Variants in CARMIL3 observed in about 807,000 individuals in gnomAD.
CARMIL3 encodes the protein capping protein regulator and myosin 1 linker 3.
A neutral mutation model predicts 180.8 loss-of-function variants in CARMIL3; 88 were observed. The ratio of observed to expected loss-of-function variants is 0.49; its 90% CI spans 0.41 to 0.58. The LOEUF is 0.58. CARMIL3 is among the 20% of genes least tolerant of loss of function. The pLI is 0.00. For missense variants in CARMIL3, 1,548 were observed against 1,787.0 expected, an observed-to-expected ratio of 0.87 and a Z score of 2.41; for synonymous variants, 696 against 714.5, an observed-to-expected ratio of 0.97 and a Z score of 0.41.
intron 34 of CARMIL3, 151 bp from the exon 35 acceptor site, chr14:24,066,247 G>A: frequency 1.2e-6 from 1 of 836,414 alleles, no homozygotes; most frequent in Non-Finnish European, 1.9e-6. Flanking sequence ...CCCCTGGGGA[G>A]GTATGGGTGC....
In CARMIL3 at chr14:24,059,044, G is replaced by C; in HGVS notation, c.1571+58G>C. 1 of 1,602,720 alleles carries C rather than the reference G, an allele frequency of 6.2e-7. No individual in the cohort carries two copies. The highest frequency in any genetic ancestry group is 1.7e-5 in the Admixed American group (1 of 58,450). On this transcript the variant is annotated intron_variant, in intron 19 of 39. Transcript: ENST00000342740. This position sits in a 1 kb window ranked among gnomAD's most constrained non-coding sequence, Gnocchi z 6.3. ...ATCCCATCATTCACCCATCCTCTTG[G>C]CTCACCGTATTACCTCTGGCCACCT...
chr14:24,059,304 T>A lies in CARMIL3; in HGVS notation c.1661T>A (p.Leu554Gln), dbSNP rs1235570840. ...LQSLSVADSR[L>Q]KLRTSILINA... Reference sequence around the variant, plus strand: ...TCACTGTCGGTGGCAGACTCCCGGCTGAAGCTTCGCACCAGCATCCTCATC... The same window carrying A: ...TCACTGTCGGTGGCAGACTCCCGGCAGAAGCTTCGCACCAGCATCCTCATC... The change falls in exon 21 of 40, where the codon CTG (leucine) becomes CAG (glutamine). Residue 554 changes from leucine (L) to glutamine (Q), a missense_variant. Physicochemically the swap from Leu to Gln is moderately radical, Grantham distance 113. Around this residue, in one of 4 missense-constraint regions of CARMIL3, gnomAD observed 297 missense variants for 415.9 expected, o/e 0.71. Transcript: ENST00000342740. This position sits in a 1 kb window ranked among gnomAD's most constrained non-coding sequence, Gnocchi z 6.3. 6.2e-7 allele frequency: 1 copy of A among 1,613,784 alleles called. No individual in the cohort carries two copies. Among genetic ancestry groups the A allele is most frequent in the Non-Finnish European group, 8.5e-7 (1 of 1,180,020 alleles).
At position 24,061,833 on chromosome 14, in the gene CARMIL3, G is replaced by A. The variant is rs2035736472; in HGVS notation, c.2480+161G>A. On this transcript the variant is annotated intron_variant, in intron 27 of 39. Coordinates refer to ENST00000342740, the MANE Select transcript of CARMIL3 (RefSeq NM_138360.4). The surrounding 1 kb of genome is among the most constrained non-coding windows in gnomAD (Gnocchi z 4.1). ...CAACCTTGCTATTTAGGGTCTGGCT[G>A]GTCTTTGCCCTAGAAATCTAAGTGC... is the stretch of plus-strand genomic sequence containing the variant. 1.1e-6 allele frequency: 1 copy of A among 873,680 alleles called. No individual in the cohort carries two copies. The highest frequency in any genetic ancestry group is 1.8e-5 in the South Asian group (1 of 54,392). The allele number at this position is 873,680 out of a possible 1,614,324, so 54.1% of individuals were successfully genotyped here.
chr14:24,066,527 C>T (rs766588872), intron 35 of CARMIL3, 40 bp from the exon 36 acceptor site: 1 of 1,612,352 alleles, frequency 6.2e-7, no homozygotes, highest in Non-Finnish European at 8.5e-7. Flanking sequence ...TTTACCTTTT[C>T]CCTTTCTCCT....
At chr14:24,056,205 C>T in intron 10 of CARMIL3, 94 bp from the exon 11 acceptor site, 1 of 1,047,216 alleles carries the variant, frequency 9.5e-7, no homozygotes, top group Non-Finnish European at 1.4e-6. Context: ...ACCATGCAGC[C>T]CCAGCCAGGC....
At position 24,056,619 on chromosome 14, in the gene CARMIL3, C is replaced by G; in HGVS notation, c.866-3C>G. On this transcript the variant is annotated splice_polypyrimidine_tract_variant and splice_region_variant and intron_variant, in intron 11 of 39. Transcript: ENST00000342740. ...TGGGCCCGTTTCTCTCTCCACTCCC[C>G]AGGTTTTCTCAGTCTGAGCCAGCAG... 6.2e-7 allele frequency: 1 copy of G among 1,613,994 alleles called. No individual in the cohort carries two copies. Among genetic ancestry groups the G allele is most frequent in the Non-Finnish European group, 8.5e-7 (1 of 1,180,020 alleles).
chr14:24,055,105 A>T lies in CARMIL3; in HGVS notation c.500A>T (p.Asn167Ile). Residue 167 changes from asparagine to isoleucine, a missense_variant, in exon 7 of 40, where the codon AAT becomes ATT. Transcript: ENST00000342740. ...ACCTACGCTGCTCTGTGTGACTACAATGGGCTACACTGCCGTGAGGAGGTT... is the reference window on the plus strand; with the variant it reads ...ACCTACGCTGCTCTGTGTGACTACATTGGGCTACACTGCCGTGAGGAGGTT... Reference protein sequence around the residue: ...SETYAALCDYNGLHCREEVQW... With the variant: ...SETYAALCDYIGLHCREEVQW... 6.2e-7 allele frequency: 1 copy of T among 1,613,844 alleles called. No homozygotes were observed. The highest frequency in any genetic ancestry group is 8.5e-7 in the Non-Finnish European group (1 of 1,180,008).
rs1424773308 is a variant in CARMIL3 at position 24,069,167 on chromosome 14, C to T, written c.4013C>T (p.Pro1338Leu). 1 of 1,614,120 alleles carries T rather than the reference C, an allele frequency of 6.2e-7. No homozygotes were observed. The highest frequency in any genetic ancestry group is 8.5e-7 in the Non-Finnish European group (1 of 1,180,022). ...GPPDPGRRTA[P>L]LKPKRTRRAQ... The stretch of plus-strand genomic sequence containing the variant: ...CCTGATCCAGGCCGGCGGACTGCCC[C>T]CCTGAAGCCCAAGAGGACACGGCGG... The change falls in exon 39 of 40, where the codon CCC (proline) becomes CTC (leucine). Residue 1338 changes from proline (P) to leucine (L), a missense_variant. Physicochemically the swap from Pro to Leu is moderately conservative, Grantham distance 98. Coordinates refer to ENST00000342740, the MANE Select transcript of CARMIL3 (RefSeq NM_138360.4).
In CARMIL3 at chr14:24,062,709, GC is replaced by G. The variant is rs747930271; in HGVS notation, c.2572del (p.Arg858GlyfsTer3). 1 of 1,607,696 alleles carries G rather than the reference GC, an allele frequency of 6.2e-7. No homozygotes were observed. The highest frequency in any genetic ancestry group is 8.5e-7 in the Non-Finnish European group (1 of 1,176,142). ...QELYHSHKSL[A>X]RHLTQLRTLS... is the part of the protein sequence containing the mutation. ...TCTGTTCACACCTGCCCTTCCCCAG[GC>G]CCGGCACCTGACCCAGCTAAGGACG... On this transcript the variant is annotated frameshift_variant and splice_region_variant, in exon 29 of 40. Transcript: ENST00000342740. LOFTEE classifies it high-confidence loss of function.
rs377006038 is a variant in CARMIL3, at chr14:24,057,782, C to T, written c.1141-21C>T. 136 of 1,603,866 alleles carry T rather than the reference C, an allele frequency of 8.5e-5. No individual in the cohort carries two copies. In the African/African-American group the frequency reaches 1.7e-3, roughly 20 times the overall value. On this transcript the variant is annotated intron_variant, in intron 14 of 39. Transcript: ENST00000342740. ...TACCCCCTTCCAGCTCCCCTGAGAC[C>T]CACCATATCTCCCCCCACAGCTTCT...
rs958789332 is a variant in CARMIL3, at chr14:24,064,258, G to A, written c.2992G>A (p.Gly998Arg). The change falls in exon 32 of 40, where the codon GGG becomes AGG. Residue 998 changes from glycine to arginine, a missense_variant. Physicochemically the swap from Gly to Arg is moderately radical, Grantham distance 125. Around this residue, in one of 4 missense-constraint regions of CARMIL3, gnomAD observed 668 missense variants for 687.8 expected, o/e 0.97. Transcript: ENST00000342740. ...GPGRPSMPAP[G>R]TRQENGMATR... ...TTCCTCCCAGCAGATGCCAGCACCT[G>A]GGACTCGTCAGGAGAATGGGATGGC... 1.9e-6 allele frequency: 3 copies of A among 1,612,048 alleles called. No homozygotes were observed. Among genetic ancestry groups the A allele is most frequent in the Non-Finnish European group, 2.5e-6 (3 of 1,179,100 alleles).
Position 24,059,135 on chromosome 14 carries a change from G to C in CARMIL3, c.1572G>C (p.Lys524Asn), listed in dbSNP as rs758776255. ...TACTCTGAGCCCCGCCTCCCTGCAG[G>C]ACCCTGGAGGAGATCCTCCACAAGC... ...FLGKNFNVKA[K>N]TLEEILHKLV... The change falls in exon 20 of 40, where the codon AAG becomes AAC. Residue 524 changes from lysine to asparagine, a missense_variant and splice_region_variant. By Grantham distance (94) the Lys-to-Asn change is moderately conservative (BLOSUM62 0). Around this residue, in one of 4 missense-constraint regions of CARMIL3, gnomAD observed 578 missense variants for 666.5 expected, o/e 0.87. Coordinates refer to ENST00000342740, the MANE Select transcript of CARMIL3 (RefSeq NM_138360.4). This position sits in a 1 kb window ranked among gnomAD's most constrained non-coding sequence, Gnocchi z 6.3. 1 of 1,602,066 alleles carries C rather than the reference G, an allele frequency of 6.2e-7. No individual in the cohort carries two copies. The highest frequency in any genetic ancestry group is 8.5e-7 in the Non-Finnish European group (1 of 1,174,678).
At chr14:24,068,508 A>C (rs999824507) in intron 36 of CARMIL3, 76 bp from the exon 37 acceptor site, 1 of 1,329,834 alleles carries the variant, frequency 7.5e-7, no homozygotes, top group Admixed American at 2.1e-5. Flanking sequence ...CCAGGGCTTC[A>C]GTGGAGAGAG....
At chr14:24,062,301 T>C in intron 27 of CARMIL3, 179 bp from the exon 28 acceptor site, 1 of 657,384 alleles carries the variant, frequency 1.5e-6, no homozygotes, top group Non-Finnish European at 2.7e-6. Context: ...TAGACGTGTA[T>C]TTGTGGAGAA....
chr14:24,057,702 T>A, intron 14 of CARMIL3, 101 bp from the exon 15 acceptor site: 1 of 991,310 alleles, frequency 1.0e-6, no homozygotes, highest in Non-Finnish European at 1.5e-6. Context: ...CCACAGAGAA[T>A]GAAGAGCCAG....
chr14:24,064,140 C>A, intron 31 of CARMIL3, 106 bp from the exon 32 acceptor site: 13 of 663,542 alleles, frequency 2.0e-5, no homozygotes, highest in East Asian at 3.2e-5. Flanking sequence ...GAACTGAAGT[C>A]TACATTTCCA....
chr14:24,054,415 G>A lies in CARMIL3; in HGVS notation c.266G>A (p.Arg89His), dbSNP rs544662786. Reference protein sequence around the residue: ...SQNQILVETERGMVSMRLPSA... With the variant: ...SQNQILVETEHGMVSMRLPSA... ...CCCCAGATCCTGGTGGAGACGGAGCGTGGCATGGTGAGCATGCGACTGCCA... is the reference window on the plus strand; with the variant it reads ...CCCCAGATCCTGGTGGAGACGGAGCATGGCATGGTGAGCATGCGACTGCCA... Residue 89 changes from arginine (R) to histidine (H), a missense_variant, in exon 5 of 40, where the codon CGT becomes CAT. This residue lies in a region of CARMIL3 where 578 missense variants were observed against 666.5 expected (regional missense o/e 0.87). Coordinates refer to ENST00000342740, the MANE Select transcript of CARMIL3 (RefSeq NM_138360.4). This position sits in a 1 kb window ranked among gnomAD's most constrained non-coding sequence, Gnocchi z 5.1. 57 of 1,614,164 alleles carry A rather than the reference G, an allele frequency of 3.5e-5. No homozygotes were observed. Among genetic ancestry groups the A allele is most frequent in the Admixed American group, 1.2e-4 (7 of 60,032 alleles).
chr14:24,063,834 G>T (rs2035757279), intron 31 of CARMIL3, among the ~76,000 whole-genome samples: 1 of 152,160 alleles, frequency 6.6e-6, no homozygotes, highest in South Asian at 2.1e-4. Context: ...GGTGGCTCAG[G>T]CCTGTAATCC....
In CARMIL3 at chr14:24,054,921, C is replaced by A; in HGVS notation, c.460+113C>A. The stretch of plus-strand genomic sequence containing the variant: ...GGGCGGGCTTTGCCTGCCTGAAGGA[C>A]TCCCAGCTCCCAGACCTCAGGAAGT... On this transcript the variant is annotated intron_variant, in intron 6 of 39. Transcript: ENST00000342740. This position sits in a 1 kb window ranked among gnomAD's most constrained non-coding sequence, Gnocchi z 5.1. 1 of 1,356,886 alleles carries A rather than the reference C, an allele frequency of 7.4e-7. No individual in the cohort carries two copies. Among genetic ancestry groups the A allele is most frequent in the Non-Finnish European group, 1.0e-6 (1 of 967,624 alleles). The allele number at this position is 1,356,886 out of a possible 1,614,324, so 84.1% of individuals were successfully genotyped here. A position where few individuals can be genotyped will look rare whatever the true frequency, so the allele number is the denominator to read the frequency against.
Sources: allele counts gnomAD v4.1 joint callset (sites outside exome capture counted in the v4.1 genomes callset), GRCh38; gene constraint gnomAD v4.1.1; regional missense constraint gnomAD v4.1.1; non-coding constraint Gnocchi (gnomAD v3.1); transcripts MANE v1.5; gene names NCBI Gene and HGNC (gene_info 2026-07-23, HGNC 2026-07-21).